TBC1D2: variants seen among roughly 807,000 people sequenced by gnomAD.
TBC1D2 encodes the protein TBC1 domain family member 2A.
A neutral mutation model predicts 91.1 loss-of-function variants in TBC1D2; 58 were observed. That is an observed-to-expected ratio of 0.64 (90% confidence interval 0.52 to 0.79). The LOEUF (loss-of-function observed/expected upper bound fraction) is 0.79, where lower values mean the gene tolerates loss of function less well. TBC1D2 is among the 30% of genes least tolerant of loss of function. The pLI is 0.00. For synonymous variants in TBC1D2, 482 were observed against 511.5 expected, an observed-to-expected ratio of 0.94 and a Z score of 0.78; for missense variants, 1,080 against 1,208.3, an observed-to-expected ratio of 0.89 and a Z score of 1.57.
At chr9:98,203,617 T>TG (rs983342549) in intron 9 of TBC1D2, among the ~76,000 whole-genome samples, 2 of 152,062 alleles carry the variant, frequency 1.3e-5, no homozygotes, top group Non-Finnish European at 2.9e-5. Context: ...TCCAGAGCAA[T>TG]GGGGGTCACT....
At chr9:98,237,576 G>A (rs950075902) in intron 3 of TBC1D2, among the ~76,000 whole-genome samples, 19 of 150,314 alleles carry the variant, frequency 1.3e-4, no homozygotes, top group African/African-American at 3.9e-4. Flanking sequence ...GCACGATCTC[G>A]GCTCACTGCA....
At chr9:98,219,111 A>T (rs770444483) in intron 6 of TBC1D2, among the ~76,000 whole-genome samples, 4 of 152,242 alleles carry the variant, frequency 2.6e-5, no homozygotes, top group African/African-American at 4.8e-5. Flanking sequence ...GGAACTGGTT[A>T]TGTGGGTTTT....
At position 98,244,169 on chromosome 9, in the gene TBC1D2, T is replaced by C. The variant is rs199818034; in HGVS notation, c.512-40A>G. The C allele has an allele frequency of 1.9e-5, 31 of 1,608,268 alleles. No homozygotes were observed. The East Asian group carries it at 3.1e-4, about 16-fold the overall frequency. On this transcript the variant is annotated intron_variant, in intron 2 of 12. Coordinates refer to ENST00000465784, the MANE Select transcript of TBC1D2 (RefSeq NM_001267571.2). ...AAGGGAAATCCATCAGCTGGGTCAC[T>C]GCACTTGGAAAGACAGGTCAGGTGG...
rs371324739 is a variant in TBC1D2 at position 98,208,643 on chromosome 9, C to G, written c.2150+25G>C. 5.1e-4 allele frequency: 771 copies of G among 1,512,566 alleles called. 15 individuals carry two copies. In the South Asian group the frequency reaches 9.1e-3, roughly 18 times the overall value. 93.7% of individuals were successfully genotyped at this position (1,512,566 alleles called of 1,614,324 possible). On this transcript the variant is annotated intron_variant, in intron 9 of 12. Coordinates refer to ENST00000465784, the MANE Select transcript of TBC1D2 (RefSeq NM_001267571.2). Reference sequence around the variant, plus strand: ...TGCGCTCCAAAAGGTAAAGATCACACCTTCACTGGGCTTTGGTGGCTTACC... The same window carrying G: ...TGCGCTCCAAAAGGTAAAGATCACAGCTTCACTGGGCTTTGGTGGCTTACC...
intron 2 of TBC1D2, among the ~76,000 whole-genome samples, chr9:98,249,746 CA>C (rs1396458721): frequency 6.6e-6 from 1 of 152,180 alleles, no homozygotes; most frequent in Non-Finnish European, 1.5e-5. Flanking sequence ...ATAGTAATAG[CA>C]TGGGTGTGTT....
rs1034714899 is a variant in TBC1D2 at position 98,228,862 on chromosome 9, G to T, written c.978+90C>A. The T allele has an allele frequency of 7.8e-7, 1 of 1,281,886 alleles. No individual in the cohort carries two copies. The highest frequency in any genetic ancestry group is 2.2e-5 in the Admixed American group (1 of 46,248). The allele number at this position is 1,281,886 out of a possible 1,614,324, so 79.4% of individuals were successfully genotyped here. ...CCAGAGAGTAGCTGGTGCCCAGCAC[G>T]GCTAATGCGTCCCATCTAGCTTATC... On this transcript the variant is annotated intron_variant, in intron 5 of 12. Transcript: ENST00000465784. The surrounding 1 kb of genome is among the most constrained non-coding windows in gnomAD (Gnocchi z 4.0).
chr9:98,210,986 AAGG>A (rs1828823079), intron 7 of TBC1D2, 143 bp from the exon 8 acceptor site: 2 of 794,958 alleles, frequency 2.5e-6, no homozygotes, highest in Non-Finnish European at 4.0e-6. Context: ...GTATAAGGGA[AAGG>A]AGATGGGCCC....
At chr9:98,238,733 T>G (rs895433110) in intron 3 of TBC1D2, among the ~76,000 whole-genome samples, 2 of 136,114 alleles carry the variant, frequency 1.5e-5, no homozygotes, top group Non-Finnish European at 1.5e-5. Context: ...CTACTTGTTT[T>G]TTTTGTTTTT....
rs564561956 is a variant in TBC1D2 at position 98,234,280 on chromosome 9, C to G, written c.648-731G>C. Among the ~76,000 whole-genome samples the G allele has an allele frequency of 2.6e-5, 4 of 152,190 alleles. No individual in the cohort carries two copies. In the South Asian group the frequency reaches 6.2e-4, roughly 24 times the overall value. On this transcript the variant is annotated intron_variant, in intron 3 of 12. Transcript: ENST00000465784. Reference sequence around the variant, plus strand: ...ACACTGGGTTGTACATGCCAGAGACCGGGCTCAATACATGTTTGGTTTATA... The same window carrying G: ...ACACTGGGTTGTACATGCCAGAGACGGGGCTCAATACATGTTTGGTTTATA...
At chr9:98,239,544 CT>C (rs1477171305) in intron 3 of TBC1D2, among the ~76,000 whole-genome samples, 1 of 152,150 alleles carries the variant, frequency 6.6e-6, no homozygotes, top group Non-Finnish European at 1.5e-5. Flanking sequence ...TGGATTAATC[CT>C]TTTTATATGC....
intron 11 of TBC1D2, among the ~76,000 whole-genome samples, chr9:98,201,015 C>CAA (rs561393645): frequency 0.032 from 3,494 of 110,788 alleles, 154 homozygotes; most frequent in African/African-American, 0.1. Context: ...GGCTCCATCT[C>CAA]AAAAAAAAAA....
At chr9:98,247,683 C>T (rs1214702350) in intron 2 of TBC1D2, among the ~76,000 whole-genome samples, 11 of 141,330 alleles carry the variant, frequency 7.8e-5, no homozygotes, top group South Asian at 2.2e-4. Flanking sequence ...GAGCCAAGAT[C>T]GCGCCACTGT....
At position 98,210,813 on chromosome 9, in the gene TBC1D2, C is replaced by T; in HGVS notation, c.1516G>A (p.Val506Met). The change falls in exon 8 of 13, where the codon GTG becomes ATG. Residue 506 changes from valine (V) to methionine (M), a missense_variant. Coordinates refer to ENST00000465784, the MANE Select transcript of TBC1D2 (RefSeq NM_001267571.2). ...AGACCGGCCAGGTACTTGCTTTCCA[C>T]CTGGCAGTTTCTGGCTTGGAGGTAG... ...CAYLQARNCQ[V>M]ESKYLAGLRR... 6.4e-7 allele frequency: 1 copy of T among 1,552,416 alleles called. No individual in the cohort carries two copies. Among genetic ancestry groups the T allele is most frequent in the Non-Finnish European group, 8.7e-7 (1 of 1,147,368 alleles).
intron 5 of TBC1D2, among the ~76,000 whole-genome samples, chr9:98,224,061 G>A (rs1052748953): frequency 5.9e-5 from 9 of 151,936 alleles, no homozygotes; most frequent in African/African-American, 9.7e-5. Context: ...TTAGCCAGGC[G>A]TGGTGGCGGG....
At chr9:98,218,617 GCA>G (rs1207012236) in intron 6 of TBC1D2, among the ~76,000 whole-genome samples, 1 of 152,140 alleles carries the variant, frequency 6.6e-6, no homozygotes. Flanking sequence ...AAATTCAGGG[GCA>G]CACTCAGTCT....
chr9:98,246,493 C>T (rs1395203932), intron 2 of TBC1D2, among the ~76,000 whole-genome samples: 4 of 152,176 alleles, frequency 2.6e-5, no homozygotes, highest in Non-Finnish European at 2.9e-5. Flanking sequence ...TTCCATGAAT[C>T]CTCTCACCAA....
At chr9:98,209,273 G>A in intron 8 of TBC1D2, 129 bp from the exon 9 acceptor site, 1 of 844,708 alleles carries the variant, frequency 1.2e-6, no homozygotes, top group African/African-American at 1.7e-5. Context: ...CACAGCTCTG[G>A]GCAGGTCACT....
At chr9:98,237,894 T>C (rs1042432262) in intron 3 of TBC1D2, among the ~76,000 whole-genome samples, 3 of 147,612 alleles carry the variant, frequency 2.0e-5, no homozygotes, top group African/African-American at 7.4e-5. Flanking sequence ...TAAGTCTTTT[T>C]TTTTTCTTTT....
chr9:98,236,891 T>A (rs2119156680), intron 3 of TBC1D2, among the ~76,000 whole-genome samples: 1 of 152,066 alleles, frequency 6.6e-6, no homozygotes, highest in Non-Finnish European at 1.5e-5. Context: ...TGGGAGGAAC[T>A]AAGGCATGCT....
Sources: gnomAD v4.1 joint callset for allele counts (sites outside exome capture counted in the v4.1 genomes callset) on GRCh38, gnomAD v4.1.1 for gene constraint, Gnocchi (gnomAD v3.1) non-coding constraint, MANE v1.5 for transcripts, NCBI Gene and HGNC (gene_info 2026-07-23, HGNC 2026-07-21) for gene names.